The following CCDC47 variants were observed in gnomAD, a reference collection of about 807,000 sequenced individuals.
CCDC47 encodes the protein coiled-coil domain containing 47.
In CCDC47, 41 loss-of-function variants were observed where a neutral mutation model predicts 60.5. That is an observed-to-expected ratio of 0.68 (90% CI 0.53 to 0.88). The LOEUF (loss-of-function observed/expected upper bound fraction) is 0.88. CCDC47 is among the 40% of genes least tolerant of loss of function. The probability of loss-of-function intolerance (pLI) is 0.00; values close to 1 mark genes in which losing one functional copy is unlikely to be tolerated. For synonymous variants in CCDC47, 195 were observed against 190.7 expected, an observed-to-expected ratio of 1.02 and a Z score of -0.18; for missense variants, 513 against 580.9, an observed-to-expected ratio of 0.88 and a Z score of 1.20.
Position 63,760,910 on chromosome 17 carries a change from A to G in CCDC47, c.735+4T>C, listed in dbSNP as rs190363096. 2 of 1,604,544 alleles carry G rather than the reference A, an allele frequency of 1.2e-6. No homozygotes were observed. Among genetic ancestry groups the G allele is most frequent in the Admixed American group, 1.7e-5 (1 of 59,930 alleles). On this transcript the variant is annotated splice_donor_region_variant and intron_variant, in intron 6 of 12. Coordinates refer to ENST00000225726, the MANE Select transcript of CCDC47 (RefSeq NM_020198.3). Reference sequence around the variant, plus strand: ...CACAGAAAACCAGCGGGAAGAATACATACCACTTGATCACTCACTGGCCTC... The same window carrying G: ...CACAGAAAACCAGCGGGAAGAATACGTACCACTTGATCACTCACTGGCCTC...
At chr17:63,770,425 C>T (rs567444172) in intron 1 of CCDC47, among the ~76,000 whole-genome samples, 2 of 152,182 alleles carry the variant, frequency 1.3e-5, no homozygotes, top group East Asian at 3.9e-4. Flanking sequence ...AGAAAGGAGG[C>T]TGGAAAGGCC....
chr17:63,766,877 G>A, intron 1 of CCDC47: 1 of 979,266 alleles, frequency 1.0e-6, no homozygotes, highest in Non-Finnish European at 1.2e-6. Flanking sequence ...CTATTTATCT[G>A]TTAGTGGTAA....
intron 1 of CCDC47, chr17:63,766,806 C>T: frequency 1.0e-6 from 1 of 974,248 alleles, no homozygotes; most frequent in Non-Finnish European, 1.2e-6. Flanking sequence ...TTTTTGAGGG[C>T]CTATTAAAAA....
intron 8 of CCDC47, among the ~76,000 whole-genome samples, chr17:63,754,857 T>C (rs2039193392): frequency 1.4e-5 from 2 of 145,610 alleles, no homozygotes; most frequent in Admixed American, 1.4e-4. Context: ...TACTCCGGTC[T>C]GGGCGACAGA....
chr17:63,766,011 T>A lies in CCDC47; in HGVS notation c.165A>T (p.Gln55His). The A allele has an allele frequency of 6.2e-7, 1 of 1,614,150 alleles. No homozygotes were observed. The highest frequency in any genetic ancestry group is 8.5e-7 in the Non-Finnish European group (1 of 1,179,986). Residue 55 changes from glutamine to histidine, a missense_variant, in exon 2 of 13, where the codon CAA (glutamine) becomes CAT (histidine). Physicochemically the swap from Gln to His is conservative, Grantham distance 24. Coordinates refer to ENST00000225726, the MANE Select transcript of CCDC47 (RefSeq NM_020198.3). Reference protein sequence around the residue: ...VMEDSVTESPQRVIITEDDED... With the variant: ...VMEDSVTESPHRVIITEDDED... ...CATCATCTTCAGTGATTATGACCCG[T>A]TGAGGAGATTCAGTAACAGAGTCTT...
intron 1 of CCDC47, among the ~76,000 whole-genome samples, chr17:63,771,023 AGG>A (rs2039335631): frequency 7.7e-6 from 1 of 129,070 alleles, no homozygotes; most frequent in South Asian, 3.0e-4. Context: ...AAAGGAAGGA[AGG>A]AAGGAAGGAA....
chr17:63,755,387 A>G lies in CCDC47; in HGVS notation c.948+853T>C, dbSNP rs1362808098. ...GTAATCCAAGCGCTTTGGGAGGCCA[A>G]GGTGGGTGGATCACTTGAGGCCAGG... On this transcript the variant is annotated intron_variant, in intron 8 of 12. Coordinates refer to ENST00000225726, the MANE Select transcript of CCDC47 (RefSeq NM_020198.3). 6.0e-6 allele frequency: 4 copies of G among 662,492 alleles called. No homozygotes were observed. In the East Asian group the frequency reaches 4.1e-4, roughly 68 times the overall value. The allele number at this position is 662,492 out of a possible 1,614,324, so 41.0% of individuals were successfully genotyped here. A position where few individuals can be genotyped will look rare whatever the true frequency, so the allele number is the denominator to read the frequency against.
rs1169154277 is a variant in CCDC47, at chr17:63,764,004, G to A, written c.547+12C>T. 1 of 1,571,538 alleles carries A rather than the reference G, an allele frequency of 6.4e-7. No homozygotes were observed. Among genetic ancestry groups the A allele is most frequent in the East Asian group, 2.3e-5 (1 of 43,974 alleles). Reference sequence around the variant, plus strand: ...TCAAGCAAGAAGCTGGGCTGACATTGGCCTCACTTACCCACTAAAGTAAAG... The same window carrying A: ...TCAAGCAAGAAGCTGGGCTGACATTAGCCTCACTTACCCACTAAAGTAAAG... On this transcript the variant is annotated intron_variant, in intron 4 of 12. Transcript: ENST00000225726.
At chr17:63,750,847 A>G (rs1032316423) in intron 12 of CCDC47, among the ~76,000 whole-genome samples, 1 of 150,892 alleles carries the variant, frequency 6.6e-6, no homozygotes, top group Non-Finnish European at 1.5e-5. Flanking sequence ...TCAGCCTCCC[A>G]AAGTGCTGGG....
intron 1 of CCDC47, among the ~76,000 whole-genome samples, chr17:63,771,622 TTCCACTAGGC>T (rs1411897404): frequency 6.6e-6 from 1 of 152,200 alleles, no homozygotes; most frequent in African/African-American, 2.4e-5. Context: ...TATTTTCCAC[TTCCACTAGGC>T]CTAAGGGTCT....
rs1242172025 is a variant in CCDC47, at chr17:63,746,486, A to G, written c.*395T>C. On this transcript the variant is annotated 3_prime_UTR_variant, in exon 13 of 13. Transcript: ENST00000225726. ...AGAGTCAGTCTTTATAGCCATTTCA[A>G]CTGCTTGGTTTAAACAAAAAGCAAC... The G allele has an allele frequency of 1.2e-5, 2 of 162,724 alleles. No homozygotes were observed. The highest frequency in any genetic ancestry group is 4.8e-5 in the African/African-American group (2 of 41,644). 10.1% of individuals were successfully genotyped at this position (162,724 alleles called of 1,614,324 possible).
At chr17:63,768,554 G>A (rs1352040124) in intron 1 of CCDC47, among the ~76,000 whole-genome samples, 1 of 152,056 alleles carries the variant, frequency 6.6e-6, no homozygotes, top group African/African-American at 2.4e-5. Flanking sequence ...GCTGGGTTTG[G>A]TGGCATGTGC....
intron 4 of CCDC47, among the ~76,000 whole-genome samples, chr17:63,762,718 A>G (rs1046314779): frequency 2.0e-5 from 3 of 152,202 alleles, no homozygotes; most frequent in African/African-American, 7.2e-5. Context: ...CTCAAGTGTC[A>G]GATTCTAAGG....
rs770930100 is a variant in CCDC47 at position 63,759,527 on chromosome 17, TTATATATATATATATATATA to T, written c.735+1367_735+1386del. On this transcript the variant is annotated intron_variant, in intron 6 of 12. Coordinates refer to ENST00000225726, the MANE Select transcript of CCDC47 (RefSeq NM_020198.3). ...AAAAAAAATATATATATATATATAT[TTATATATATATATATATATA>T]TATATATATATATATATATATATAT... Among the ~76,000 whole-genome samples, 11 of 3,958 alleles carry T rather than the reference TTATATATATATATATATATA, an allele frequency of 2.8e-3. 2 individuals are homozygous for T. Among genetic ancestry groups the T allele is most frequent in the Non-Finnish European group, 3.8e-3 (11 of 2,912 alleles). The allele number at this position is 3,958 out of a possible 152,430, so 2.6% of individuals were successfully genotyped here. A position where few individuals can be genotyped will look rare whatever the true frequency, so the allele number is the denominator to read the frequency against.
chr17:63,752,048 T>C lies in CCDC47; in HGVS notation c.1263A>G (p.Thr421=), dbSNP rs779774692. 1 of 1,613,914 alleles carries C rather than the reference T, an allele frequency of 6.2e-7. No homozygotes were observed. The highest frequency in any genetic ancestry group is 2.2e-5 in the East Asian group (1 of 44,878). The change falls in exon 12 of 13, where the codon ACA becomes ACG. Residue 421 remains threonine, a synonymous_variant. Transcript: ENST00000225726. ...ARVEENFLKL[T]HVQRQEAAQS... ...GTGCTGCTTCCTGTCTTTGCACATG[T>C]GTCAGTTTCAAGAAGTTCTCTTCTA...
At chr17:63,767,610 A>C (rs1421808824) in intron 1 of CCDC47, among the ~76,000 whole-genome samples, 1 of 152,122 alleles carries the variant, frequency 6.6e-6, no homozygotes, top group African/African-American at 2.4e-5. Context: ...CCTTGAAGAC[A>C]TATCTGTTTT....
At chr17:63,751,797 A>ATAGTGTT (rs11283431) in intron 12 of CCDC47, 143 bp downstream of exon 12, 511,233 of 818,882 alleles carry the variant, frequency 0.62, 162,825 homozygotes, top group African/African-American at 0.77. Flanking sequence ...ATTCTTCTTT[A>ATAGTGTT]TAGTGTTATC....
chr17:63,765,696 C>T, intron 2 of CCDC47: 5 of 1,372,974 alleles, frequency 3.6e-6, no homozygotes, highest in Non-Finnish European at 4.7e-6. Context: ...TATTCTCTAA[C>T]CCCTCTTCCA....
rs773919796 is a variant in CCDC47, at chr17:63,765,948, T to A, written c.228A>T (p.Glu76Asp). 10 of 1,613,808 alleles carry A rather than the reference T, an allele frequency of 6.2e-6. No individual in the cohort carries two copies. The highest frequency in any genetic ancestry group is 1.7e-5 in the Admixed American group (1 of 59,964). Residue 76 changes from glutamate to aspartate, a missense_variant, in exon 2 of 13, where the codon GAA (glutamate) becomes GAT (aspartate). Glu to Asp is a conservative substitution (Grantham distance 45). Transcript: ENST00000225726. ...CATCTTCAAAATCTCCTTCTTGGTTTTCATCCTGCCCTTCCAACTCCACAG... is the reference window on the plus strand; with the variant it reads ...CATCTTCAAAATCTCCTTCTTGGTTATCATCCTGCCCTTCCAACTCCACAG... The part of the protein sequence containing the change: ...ETTVELEGQD[E>D]NQEGDFEDAD...
Sources: allele counts gnomAD v4.1 joint callset (sites outside exome capture counted in the v4.1 genomes callset), GRCh38; gene constraint gnomAD v4.1.1; transcripts MANE v1.5; gene names NCBI Gene and HGNC (gene_info 2026-07-23, HGNC 2026-07-21).